AGBL4: variants seen among roughly 807,000 people sequenced by gnomAD.
AGBL4 encodes AGBL carboxypeptidase 4, also known as cytosolic carboxypeptidase 6.
AGBL4 carries 58 observed loss-of-function variants against 66.4 expected under a neutral mutation model. The ratio of observed to expected loss-of-function variants is 0.87; its 90% CI spans 0.71 to 1.09. The LOEUF (loss-of-function observed/expected upper bound fraction) is 1.09. Ranked by LOEUF, AGBL4 falls within the 50% of genes least tolerant of loss-of-function variation. The probability of loss-of-function intolerance (pLI) is 0.00; values close to 1 mark genes in which losing one functional copy is unlikely to be tolerated. For missense variants in AGBL4, 579 were observed against 631.0 expected (o/e 0.92, Z 0.88); for synonymous variants, 234 against 222.9 (o/e 1.05, Z -0.44).
chr1:49,193,302 T>C (rs1224021063), intron 4 of AGBL4, among the ~76,000 whole-genome samples: 1 of 152,088 alleles, frequency 6.6e-6, no homozygotes, highest in Admixed American at 6.5e-5. Flanking sequence ...CATTATATTG[T>C]TAATTTATGA....
At chr1:49,742,140 A>G (rs1650553783) in intron 2 of AGBL4, among the ~76,000 whole-genome samples, 1 of 152,142 alleles carries the variant, frequency 6.6e-6, no homozygotes, top group South Asian at 2.1e-4. Context: ...ATGATTGTAT[A>G]TCTAGAAAAC....
chr1:49,532,567 C>T (rs10788914), intron 3 of AGBL4, among the ~76,000 whole-genome samples: 80,182 of 151,792 alleles, frequency 0.53, 22,632 homozygotes, highest in Non-Finnish European at 0.63. Context: ...AAAAATTATG[C>T]CTTTGTGTTA....
chr1:49,106,034 A>T (rs1365383171), intron 4 of AGBL4, among the ~76,000 whole-genome samples: 1 of 152,224 alleles, frequency 6.6e-6, no homozygotes, highest in East Asian at 1.9e-4. Context: ...GTAACTTGAA[A>T]ACATATCTTT....
intron 5 of AGBL4, among the ~76,000 whole-genome samples, chr1:49,002,040 T>C (rs891329328): frequency 6.6e-6 from 1 of 152,206 alleles, no homozygotes; most frequent in African/African-American, 2.4e-5. Context: ...GTCTAGGACA[T>C]AGCTAGAGTG....
At chr1:49,181,344 C>T (rs1646927744) in intron 4 of AGBL4, among the ~76,000 whole-genome samples, 1 of 152,134 alleles carries the variant, frequency 6.6e-6, no homozygotes, top group African/African-American at 2.4e-5. Context: ...CCAGACCACC[C>T]CCAACCTGGG....
intron 5 of AGBL4, among the ~76,000 whole-genome samples, chr1:48,927,237 G>A (rs1263937162): frequency 6.6e-6 from 1 of 152,162 alleles, no homozygotes; most frequent in African/African-American, 2.4e-5. Context: ...TGGGCTAACA[G>A]TTCCACGTGG....
At chr1:49,751,986 T>C (rs965921200) in intron 2 of AGBL4, among the ~76,000 whole-genome samples, 1 of 151,856 alleles carries the variant, frequency 6.6e-6, no homozygotes, top group Non-Finnish European at 1.5e-5. Context: ...TTTTTTAGTC[T>C]GGCTTGTGGT....
At chr1:48,638,800 C>T (rs908275701) in intron 8 of AGBL4, among the ~76,000 whole-genome samples, 6 of 152,208 alleles carry the variant, frequency 3.9e-5, no homozygotes, top group Middle Eastern at 6.3e-3. Context: ...TGGCAGACAT[C>T]GAAGAAGTAG....
In AGBL4 at chr1:49,820,661, C is replaced by G. The variant is rs368016129; in HGVS notation, c.157+30735G>C. 9.8e-5 allele frequency among the ~76,000 whole-genome samples: 15 copies of G among 152,300 alleles called. No homozygotes were observed. The East Asian group carries it at 2.7e-3, about 27-fold the overall frequency. ...ACTCAACTCAAAGGGTCTCAACTAGCTAGTCTACAAGCTAATATAGGACAT... is the reference window on the plus strand; with the variant it reads ...ACTCAACTCAAAGGGTCTCAACTAGGTAGTCTACAAGCTAATATAGGACAT... On this transcript the variant is annotated intron_variant, in intron 2 of 13. Transcript: ENST00000371839.
intron 1 of AGBL4, among the ~76,000 whole-genome samples, chr1:49,948,237 TATAAATAA>T: frequency 1.0e-5 from 1 of 98,776 alleles, no homozygotes; most frequent in Non-Finnish European, 1.7e-5. Flanking sequence ...TATATAAATA[TATAAATAA>T]ATACATATAA....
chr1:48,581,006 C>T (rs908538146), intron 11 of AGBL4, among the ~76,000 whole-genome samples: 11 of 152,172 alleles, frequency 7.2e-5, no homozygotes, highest in African/African-American at 2.4e-4. Context: ...CTGCACCACC[C>T]CAGCTGGTTT....
chr1:49,076,471 A>G (rs1644712244), intron 4 of AGBL4, among the ~76,000 whole-genome samples: 2 of 152,194 alleles, frequency 1.3e-5, no homozygotes, highest in African/African-American at 4.8e-5. Flanking sequence ...AGTGCATTTG[A>G]CCTGAGCTCT....
chr1:48,859,731 T>C (rs576716763), intron 6 of AGBL4, among the ~76,000 whole-genome samples: 17 of 152,348 alleles, frequency 1.1e-4, no homozygotes, highest in Admixed American at 9.1e-4. Flanking sequence ...TTTGATGTAA[T>C]TGTTACTTCA....
chr1:48,975,047 T>C (rs768877030), intron 5 of AGBL4, among the ~76,000 whole-genome samples: 1 of 152,070 alleles, frequency 6.6e-6, no homozygotes, highest in Non-Finnish European at 1.5e-5. Flanking sequence ...GCAAGTGCCA[T>C]AAATGCTGTA....
intron 3 of AGBL4, among the ~76,000 whole-genome samples, chr1:49,447,173 C>T (rs1646177190): frequency 6.6e-6 from 1 of 152,184 alleles, no homozygotes; most frequent in African/African-American, 2.4e-5. Context: ...TTATGGATTT[C>T]ATTCTCTGCT....
At chr1:49,633,184 T>C (rs982783444) in intron 3 of AGBL4, among the ~76,000 whole-genome samples, 2 of 152,154 alleles carry the variant, frequency 1.3e-5, no homozygotes, top group Non-Finnish European at 2.9e-5. Context: ...GCCAACACCA[T>C]TGATAAACCT....
intron 3 of AGBL4, among the ~76,000 whole-genome samples, chr1:49,468,034 T>G (rs1646665713): frequency 6.6e-6 from 1 of 151,784 alleles, no homozygotes; most frequent in African/African-American, 2.4e-5. Context: ...TAAATGACAT[T>G]TAAAATTAGG....
chr1:48,636,248 C>T lies in AGBL4; in HGVS notation c.840-1644G>A, dbSNP rs144782300. Among the ~76,000 whole-genome samples the T allele has an allele frequency of 5.1e-3, 777 of 152,304 alleles. 10 individuals are homozygous for T. Among genetic ancestry groups the T allele is most frequent in the African/African-American group, 0.018 (746 of 41,572 alleles). ...GCAAAAAAGAAAAAAGGAACATCACCTTCCTATCACTCAGATATAACTCCT... is the reference window on the plus strand; with the variant it reads ...GCAAAAAAGAAAAAAGGAACATCACTTTCCTATCACTCAGATATAACTCCT... On this transcript the variant is annotated intron_variant, in intron 8 of 13. Coordinates refer to ENST00000371839, the MANE Select transcript of AGBL4 (RefSeq NM_032785.4).
chr1:49,911,936 C>G (rs1020526985), intron 1 of AGBL4, among the ~76,000 whole-genome samples: 1 of 152,248 alleles, frequency 6.6e-6, no homozygotes, highest in Non-Finnish European at 1.5e-5. Flanking sequence ...ACTGCTTGCA[C>G]AGGGACCTGT....
Sources: allele counts gnomAD v4.1 joint callset (sites outside exome capture counted in the v4.1 genomes callset), GRCh38; gene constraint gnomAD v4.1.1; transcripts MANE v1.5; gene names NCBI Gene and HGNC (gene_info 2026-07-23, HGNC 2026-07-21).